Variants in KHDRBS2 observed in about 807,000 individuals in gnomAD.
KHDRBS2 encodes the protein KH RNA binding domain containing, signal transduction associated 2, also known as KH domain-containing, RNA-binding, signal transduction-associated protein 2.
A neutral mutation model predicts 44.3 loss-of-function variants in KHDRBS2; 26 were observed. The observed-to-expected ratio is 0.59, with a 90% CI of 0.43 to 0.81. The LOEUF (loss-of-function observed/expected upper bound fraction) is 0.81, where lower values mean the gene tolerates loss of function less well. KHDRBS2 is among the 40% of genes least tolerant of loss of function. The pLI is 0.00. For synonymous variants in KHDRBS2, 194 were observed against 151.1 expected, an observed-to-expected ratio of 1.28 and a Z score of -2.08; for missense variants, 476 against 433.1, an observed-to-expected ratio of 1.10 and a Z score of -0.88.
chr6:61,829,855 A>G (rs1791514671), intron 6 of KHDRBS2, among the ~76,000 whole-genome samples: 2 of 152,168 alleles, frequency 1.3e-5, no homozygotes, highest in South Asian at 4.1e-4. Flanking sequence ...GAGTGAGAGA[A>G]CAAAAGGTGT....
At chr6:61,733,718 A>G (rs951107885) in intron 6 of KHDRBS2, among the ~76,000 whole-genome samples, 1 of 152,182 alleles carries the variant, frequency 6.6e-6, no homozygotes, top group Non-Finnish European at 1.5e-5. Context: ...GCTAATGCAG[A>G]TTTGTCATAG....
At chr6:61,730,516 A>G (rs926887298) in intron 7 of KHDRBS2, among the ~76,000 whole-genome samples, 1 of 152,142 alleles carries the variant, frequency 6.6e-6, no homozygotes, top group African/African-American at 2.4e-5. Flanking sequence ...GATAGGGGAC[A>G]TGTACACAAA....
intron 6 of KHDRBS2, among the ~76,000 whole-genome samples, chr6:61,788,337 T>C (rs1329189130): frequency 6.6e-6 from 1 of 151,532 alleles, no homozygotes; most frequent in Non-Finnish European, 1.5e-5. Context: ...TGATTATTTC[T>C]ACACTTAGTG....
intron 4 of KHDRBS2, among the ~76,000 whole-genome samples, chr6:61,975,500 C>T (rs1772402729): frequency 6.6e-6 from 1 of 152,092 alleles, no homozygotes; most frequent in African/African-American, 2.4e-5. Context: ...GCGGTTCTCC[C>T]ATTCTTTGCT....
chr6:61,772,738 C>T lies in KHDRBS2; in HGVS notation c.811-39974G>A, dbSNP rs1294641814. Among the ~76,000 whole-genome samples, 10 of 151,990 alleles carry T rather than the reference C, an allele frequency of 6.6e-5. 1 individual carries two copies. Among genetic ancestry groups the T allele is most frequent in the Admixed American group, 6.6e-4 (10 of 15,254 alleles). On this transcript the variant is annotated intron_variant, in intron 6 of 8. Transcript: ENST00000281156. The stretch of plus-strand genomic sequence containing the variant: ...ATGTGCCACGCTGGTGTGCTGAACC[C>T]ATTAACTCATCATCTAGTATTAGGT...
the KHDRBS2 span, among the ~76,000 whole-genome samples, chr6:61,553,446 A>T: frequency 6.6e-6 from 1 of 152,044 alleles, no homozygotes; most frequent in South Asian, 2.1e-4. Flanking sequence ...TTCTTCAGAA[A>T]ACCAACAACT....
intron 1 of KHDRBS2, among the ~76,000 whole-genome samples, chr6:62,213,302 T>G (rs1394541649): frequency 6.6e-6 from 1 of 151,936 alleles, no homozygotes; most frequent in African/African-American, 2.4e-5. Context: ...TGCCAAAGTG[T>G]TTTTTATGTC....
intron 3 of KHDRBS2, among the ~76,000 whole-genome samples, chr6:61,991,831 A>C (rs1776185726): frequency 6.6e-6 from 1 of 152,210 alleles, no homozygotes; most frequent in Non-Finnish European, 1.5e-5. Flanking sequence ...GTACAACACA[A>C]CGAAAGACTA....
At chr6:61,719,036 C>T (rs1771909742) in intron 7 of KHDRBS2, among the ~76,000 whole-genome samples, 1 of 152,174 alleles carries the variant, frequency 6.6e-6, no homozygotes, top group South Asian at 2.1e-4. Context: ...ACATCTGTAT[C>T]TATACATCTT....
At chr6:62,179,625 A>C (rs888434753) in intron 1 of KHDRBS2, among the ~76,000 whole-genome samples, 1 of 151,770 alleles carries the variant, frequency 6.6e-6, no homozygotes, top group African/African-American at 2.4e-5. Flanking sequence ...AGCTGACTCA[A>C]TTCCTGATCT....
intron 6 of KHDRBS2, among the ~76,000 whole-genome samples, chr6:61,813,123 T>C (rs983594869): frequency 2.0e-5 from 3 of 152,030 alleles, no homozygotes; most frequent in African/African-American, 7.2e-5. Context: ...AGTAACAATT[T>C]TAAGAAAATC....
chr6:62,245,079 C>T (rs1313633584), intron 1 of KHDRBS2, among the ~76,000 whole-genome samples: 6 of 152,104 alleles, frequency 3.9e-5, no homozygotes, highest in Non-Finnish European at 8.8e-5. Context: ...ACCCAACATT[C>T]TCATGCGACT....
the KHDRBS2 span, among the ~76,000 whole-genome samples, chr6:61,549,246 G>A: frequency 1.3e-5 from 2 of 152,104 alleles, no homozygotes; most frequent in African/African-American, 4.8e-5. Context: ...AATCTAAATT[G>A]CATTAAACAG....
chr6:61,960,394 T>C (rs1462505093), intron 4 of KHDRBS2, among the ~76,000 whole-genome samples: 1 of 152,108 alleles, frequency 6.6e-6, no homozygotes, highest in East Asian at 1.9e-4. Flanking sequence ...TTCTAATGTA[T>C]ATTTTTAAAG....
intron 6 of KHDRBS2, among the ~76,000 whole-genome samples, chr6:61,852,975 G>T (rs1310830605): frequency 6.6e-6 from 1 of 152,024 alleles, no homozygotes; most frequent in Non-Finnish European, 1.5e-5. Flanking sequence ...CTTCTAAAAG[G>T]CTATGGCCCT....
At chr6:62,106,925 T>C (rs1803522453) in intron 2 of KHDRBS2, among the ~76,000 whole-genome samples, 1 of 151,816 alleles carries the variant, frequency 6.6e-6, no homozygotes, top group Non-Finnish European at 1.5e-5. Context: ...ATAAATTAGG[T>C]ATTGATGGGA....
At chr6:61,744,468 G>A (rs1386567668) in intron 6 of KHDRBS2, among the ~76,000 whole-genome samples, 2 of 152,090 alleles carry the variant, frequency 1.3e-5, no homozygotes, top group African/African-American at 4.8e-5. Context: ...CAAGTAAAGA[G>A]TAATTAGGGC....
intron 2 of KHDRBS2, among the ~76,000 whole-genome samples, chr6:62,140,318 G>T (rs1363782017): frequency 6.6e-6 from 1 of 152,158 alleles, no homozygotes; most frequent in Non-Finnish European, 1.5e-5. Flanking sequence ...ACGGATAGTG[G>T]GAAGCAGTTA....
chr6:61,667,432 T>A, the KHDRBS2 span, among the ~76,000 whole-genome samples: 3 of 151,256 alleles, frequency 2.0e-5, no homozygotes, highest in African/African-American at 7.3e-5. Context: ...ATAAGAAGTA[T>A]TTTAAGACCA....
Sources: allele counts gnomAD v4.1 joint callset (sites outside exome capture counted in the v4.1 genomes callset), GRCh38; gene constraint gnomAD v4.1.1; transcripts MANE v1.5; gene names NCBI Gene and HGNC (gene_info 2026-07-23, HGNC 2026-07-21).